Variants in ZMYM6 observed in about 807,000 individuals in gnomAD.
ZMYM6 encodes zinc finger MYM-type protein 6.
Under a neutral mutation model 134.0 loss-of-function variants are expected in ZMYM6, and 90 were observed. The ratio of observed to expected loss-of-function variants is 0.67; its 90% CI spans 0.57 to 0.80. ZMYM6 has a LOEUF of 0.80. Ranked by LOEUF, ZMYM6 falls within the 30% of genes least tolerant of loss-of-function variation. The pLI is 0.00. For synonymous variants in ZMYM6, 481 were observed against 524.1 expected (o/e 0.92, Z 1.12); for missense variants, 1,362 against 1,533.9 (o/e 0.89, Z 1.87).
chr1:35,023,855 C>T (rs1027272824), intron 2 of ZMYM6, among the ~76,000 whole-genome samples: 3 of 151,650 alleles, frequency 2.0e-5, no homozygotes, highest in African/African-American at 7.3e-5. Context: ...ATCTCCTGAC[C>T]TCGTGATCTG....
intron 2 of ZMYM6, among the ~76,000 whole-genome samples, chr1:35,025,851 T>A (rs886552859): frequency 6.6e-6 from 1 of 152,150 alleles, no homozygotes; most frequent in Non-Finnish European, 1.5e-5. Flanking sequence ...AGCTTCCTCA[T>A]GGGTAAAGTG....
At position 34,996,438 on chromosome 1, in the gene ZMYM6, C is replaced by T. The variant is rs143679184; in HGVS notation, c.1993-4051G>A. Among the ~76,000 whole-genome samples, 339 of 152,272 alleles carry T rather than the reference C, an allele frequency of 2.2e-3. 5 individuals carry two copies. In the East Asian group the frequency reaches 0.05, roughly 22 times the overall value. ...ATGTGCCAAAAAATTCAAAGATTCA[C>T]GTAATACACAATGAAAAAATAATTT... On this transcript the variant is annotated intron_variant, in intron 14 of 15. Coordinates refer to ENST00000357182, the MANE Select transcript of ZMYM6 (RefSeq NM_007167.4).
intron 2 of ZMYM6, among the ~76,000 whole-genome samples, chr1:35,022,337 C>T (rs1641326875): frequency 6.6e-6 from 1 of 152,076 alleles, no homozygotes; most frequent in African/African-American, 2.4e-5. Flanking sequence ...ATGGTGCCAT[C>T]TCGGCTCACT....
chr1:35,007,180 C>T (rs1477839089), intron 11 of ZMYM6, 82 bp from the exon 12 acceptor site: 10 of 1,399,826 alleles, frequency 7.1e-6, no homozygotes, highest in East Asian at 2.5e-5. Context: ...AGAGGGACTA[C>T]GAAAACAGGA....
Position 35,019,372 on chromosome 1 carries a change from T to C in ZMYM6, c.409A>G (p.Thr137Ala). Reference protein sequence around the residue: ...PACLPPPPKKTCTNCSKDILN... With the variant: ...PACLPPPPKKACTNCSKDILN... ...TTATACTTCGAGCAGTTTGTGCAGGTTTTCTTGGGAGGAGGTGGCAGGCAG... is the reference window on the plus strand; with the variant it reads ...TTATACTTCGAGCAGTTTGTGCAGGCTTTCTTGGGAGGAGGTGGCAGGCAG... Residue 137 changes from threonine to alanine, a missense_variant, in exon 4 of 16, where the codon ACC (threonine) becomes GCC (alanine). Around this residue, in one of 3 missense-constraint regions of ZMYM6, gnomAD observed 503 missense variants for 520.8 expected, o/e 0.97. Transcript: ENST00000357182. 6.2e-7 allele frequency: 1 copy of C among 1,614,084 alleles called. No individual in the cohort carries two copies. The highest frequency in any genetic ancestry group is 8.5e-7 in the Non-Finnish European group (1 of 1,180,016).
intron 11 of ZMYM6, among the ~76,000 whole-genome samples, 159 bp from the exon 12 acceptor site, chr1:35,007,257 T>A (rs1209395170): frequency 6.6e-6 from 1 of 152,204 alleles, no homozygotes; most frequent in Non-Finnish European, 1.5e-5. Flanking sequence ...TATTTAATTA[T>A]TTGTTTTATA....
chr1:35,008,867 A>T lies in ZMYM6; in HGVS notation c.1550T>A (p.Met517Lys), dbSNP rs1476617282. ...GGATGTCTGTGAACAGTAGCTGCAC[A>T]TCTTACAGTAGTTTCCCCATCGTTC... is the stretch of plus-strand genomic sequence containing the variant. ...FGERWGNYCK[M>K]CSYCSQTSPN... is the part of the protein sequence containing the mutation. Residue 517 changes from methionine (M) to lysine (K), a missense_variant, in exon 11 of 16, where the codon ATG becomes AAG. By Grantham distance (95) the Met-to-Lys change is moderately conservative (BLOSUM62 -1). Coordinates refer to ENST00000357182, the MANE Select transcript of ZMYM6 (RefSeq NM_007167.4). The T allele has an allele frequency of 6.2e-7, 1 of 1,614,116 alleles. No homozygotes were observed. The highest frequency in any genetic ancestry group is 1.3e-5 in the African/African-American group (1 of 75,060).
At chr1:35,019,650 T>C (rs779638964) in intron 3 of ZMYM6, 48 bp from the exon 4 acceptor site, 4 of 1,524,852 alleles carry the variant, frequency 2.6e-6, no homozygotes, top group Non-Finnish European at 3.5e-6. Context: ...CTAATGCATA[T>C]ACAGTCTCAG....
chr1:34,995,051 T>A (rs575059247), intron 14 of ZMYM6, among the ~76,000 whole-genome samples: 1 of 129,018 alleles, frequency 7.8e-6, no homozygotes, highest in East Asian at 5.1e-4. Context: ...TATACTTACA[T>A]ACGTATATAT....
At chr1:35,019,170 C>T in intron 4 of ZMYM6, 183 bp downstream of exon 4, 1 of 841,584 alleles carries the variant, frequency 1.2e-6, no homozygotes, top group South Asian at 1.9e-5. Context: ...AGGCAATATT[C>T]TAACACCAAG....
chr1:35,020,717 T>G (rs757043553), intron 2 of ZMYM6, among the ~76,000 whole-genome samples: 3 of 151,550 alleles, frequency 2.0e-5, no homozygotes, highest in Non-Finnish European at 2.9e-5. Context: ...GGACTACAGG[T>G]ATGTGCTACC....
At chr1:35,008,665 T>A in intron 11 of ZMYM6, 87 bp downstream of exon 11, 1 of 1,462,552 alleles carries the variant, frequency 6.8e-7, no homozygotes, top group Non-Finnish European at 9.2e-7. Flanking sequence ...AACACCAAAT[T>A]TTTCTTCACA....
In ZMYM6 at chr1:34,987,310, T is replaced by G; in HGVS notation, c.3772A>C (p.Ile1258Leu). ...TCTGGGTAACTTGTCTTTGCATTTA[T>G]CCAAAACTGAGTTACAGACACTGAT... ...FKSVSVTQFW[I>L]NAKTSYPELH... Residue 1258 changes from isoleucine to leucine, a missense_variant, in exon 16 of 16, where the codon ATA (isoleucine) becomes CTA (leucine). Physicochemically the swap from Ile to Leu is conservative, Grantham distance 5. Transcript: ENST00000357182. 1 of 1,612,276 alleles carries G rather than the reference T, an allele frequency of 6.2e-7. No homozygotes were observed. Among genetic ancestry groups the G allele is most frequent in the South Asian group, 1.1e-5 (1 of 90,596 alleles).
rs147128267 is a variant in ZMYM6 at position 35,015,076 on chromosome 1, G to A, written c.515C>T (p.Ser172Leu). Residue 172 changes from serine to leucine, a missense_variant, in exon 5 of 16, where the codon TCA (serine) becomes TTA (leucine). By Grantham distance (145) the Ser-to-Leu change is moderately radical. Coordinates refer to ENST00000357182, the MANE Select transcript of ZMYM6 (RefSeq NM_007167.4). ...AGGTTTTTTCTTTAGCTCATAAGAT[G>A]ACAAGCATGATTGGCTGCAGAAATC... is the stretch of plus-strand genomic sequence containing the variant. ...SKDFCSQSCL[S>L]SYELKKKPVV... 4.3e-6 allele frequency: 7 copies of A among 1,613,914 alleles called. No homozygotes were observed. The highest frequency in any genetic ancestry group is 5.9e-6 in the Non-Finnish European group (7 of 1,179,978).
chr1:35,008,161 C>T (rs1476207691), intron 11 of ZMYM6, among the ~76,000 whole-genome samples: 2 of 152,116 alleles, frequency 1.3e-5, no homozygotes, highest in African/African-American at 4.8e-5. Flanking sequence ...TACCAGCTTC[C>T]TCAAGAGCAT....
intron 8 of ZMYM6, 101 bp from the exon 9 acceptor site, chr1:35,011,137 A>AT (rs1158073337): frequency 1.6e-6 from 2 of 1,261,494 alleles, no homozygotes; most frequent in Non-Finnish European, 2.1e-6. Context: ...TCCCACAAAC[A>AT]TTTTTTAAAA....
At chr1:35,029,281 T>C (rs1239953241) in intron 2 of ZMYM6, among the ~76,000 whole-genome samples, 1 of 152,210 alleles carries the variant, frequency 6.6e-6, no homozygotes, top group Non-Finnish European at 1.5e-5. Flanking sequence ...CCTTAAACTA[T>C]ATATACAGCC....
In ZMYM6 at chr1:34,988,010, T is replaced by C. The variant is rs554559617; in HGVS notation, c.3072A>G (p.Pro1024=). 8 of 1,551,426 alleles carry C rather than the reference T, an allele frequency of 5.2e-6. No homozygotes were observed. In the East Asian group the frequency reaches 1.7e-4, roughly 33 times the overall value. Residue 1024 remains proline, a synonymous_variant, in exon 16 of 16, where the codon CCA becomes CCG. Coordinates refer to ENST00000357182, the MANE Select transcript of ZMYM6 (RefSeq NM_007167.4). ...ACTGCAAAAGAATTTTATGTAAACA[T>C]GGAGACAACTTTTCTGCCACTAAAC... ...RERLVAEKLS[P]CLHKILLQSA... is the part of the protein sequence containing the mutation.
At chr1:35,027,578 G>A (rs890092537) in intron 2 of ZMYM6, among the ~76,000 whole-genome samples, 9 of 151,844 alleles carry the variant, frequency 5.9e-5, no homozygotes, top group African/African-American at 1.5e-4. Flanking sequence ...AGGAGACCCC[G>A]TCTCTACAAA....
Sources: allele counts gnomAD v4.1 joint callset (sites outside exome capture counted in the v4.1 genomes callset), GRCh38; gene constraint gnomAD v4.1.1; regional missense constraint gnomAD v4.1.1; transcripts MANE v1.5; gene names NCBI Gene and HGNC (gene_info 2026-07-23, HGNC 2026-07-21).